The following PIKFYVE variants were observed in gnomAD, a reference collection of about 807,000 sequenced individuals.
PIKFYVE encodes phosphoinositide kinase, FYVE-type zinc finger containing.
PIKFYVE carries 122 observed loss-of-function variants against 257.9 expected under a neutral mutation model. The ratio of observed to expected loss-of-function variants is 0.47; its 90% CI spans 0.41 to 0.55. The LOEUF (loss-of-function observed/expected upper bound fraction) is 0.55. Ranked by LOEUF, PIKFYVE falls within the 20% of genes least tolerant of loss-of-function variation. The pLI is 0.00. For synonymous variants in PIKFYVE, 892 were observed against 868.9 expected, an observed-to-expected ratio of 1.03 and a Z score of -0.47; for missense variants, 2,160 against 2,536.6, an observed-to-expected ratio of 0.85 and a Z score of 3.19.
In PIKFYVE at chr2:208,350,072, A is replaced by G; in HGVS notation, c.5423A>G (p.His1808Arg). The change falls in exon 36 of 42, where the codon CAT becomes CGT. Residue 1808 changes from histidine (H) to arginine (R), a missense_variant. Transcript: ENST00000264380. ...CAAAAGAAGCAACTCATAAATCCTCATGTGGAACTTCGTAAGTATGAGATA... is the reference window on the plus strand; with the variant it reads ...CAAAAGAAGCAACTCATAAATCCTCGTGTGGAACTTCGTAAGTATGAGATA... ...DTQKKQLINPHVELQFSDANA... is the reference protein window; with the variant it reads ...DTQKKQLINPRVELQFSDANA... The G allele has an allele frequency of 6.2e-7, 1 of 1,612,198 alleles. No individual in the cohort carries two copies. The highest frequency in any genetic ancestry group is 8.5e-7 in the Non-Finnish European group (1 of 1,178,818).
At chr2:208,311,230 T>C (rs1694902981) in intron 12 of PIKFYVE, among the ~76,000 whole-genome samples, 1 of 152,174 alleles carries the variant, frequency 6.6e-6, no homozygotes, top group African/African-American at 2.4e-5. Flanking sequence ...ATTGAACTAA[T>C]AGGATTTGGT....
chr2:208,329,929 T>C lies in PIKFYVE; in HGVS notation c.3791+16T>C, dbSNP rs1331721486. 2 of 1,608,446 alleles carry C rather than the reference T, an allele frequency of 1.2e-6. No individual in the cohort carries two copies. Among genetic ancestry groups the C allele is most frequent in the Admixed American group, 3.3e-5 (2 of 59,764 alleles). On this transcript the variant is annotated intron_variant, in intron 22 of 41. Transcript: ENST00000264380. ...ACTGTTTCAGGTAAGAACATATTTC[T>C]TCCTTCTGTTCCATTACACATTTTT...
chr2:208,275,049 T>A (rs1317244431), intron 3 of PIKFYVE, among the ~76,000 whole-genome samples: 1 of 152,232 alleles, frequency 6.6e-6, no homozygotes, highest in Non-Finnish European at 1.5e-5. Context: ...TCTGCTTGAT[T>A]ATTTGATTCT....
At chr2:208,282,824 G>T (rs372394938) in intron 5 of PIKFYVE, among the ~76,000 whole-genome samples, 1 of 152,256 alleles carries the variant, frequency 6.6e-6, no homozygotes, top group East Asian at 1.9e-4. Flanking sequence ...TTTTTCCATG[G>T]ACTGGTGTGG....
At chr2:208,316,118 A>T (rs750330050) in intron 15 of PIKFYVE, among the ~76,000 whole-genome samples, 178 of 142,924 alleles carry the variant, frequency 1.2e-3, no homozygotes, top group Non-Finnish European at 1.7e-3. Context: ...GAGTGAGAAC[A>T]TGTGGTGTTT....
At chr2:208,331,190 T>C (rs962601002) in intron 23 of PIKFYVE, among the ~76,000 whole-genome samples, 1 of 152,160 alleles carries the variant, frequency 6.6e-6, no homozygotes, top group African/African-American at 2.4e-5. Flanking sequence ...TTGATCTCTA[T>C]TGGTTTTTAT....
intron 6 of PIKFYVE, among the ~76,000 whole-genome samples, chr2:208,286,931 C>T (rs549313003): frequency 6.6e-6 from 1 of 152,246 alleles, no homozygotes; most frequent in African/African-American, 2.4e-5. Context: ...GTTAATTTCT[C>T]AGTTAACCCT....
rs1218884504 is a variant in PIKFYVE at position 208,358,201 on chromosome 2, C to G, written c.*2896C>G. ...GGCATTGTGGTCATCAGCTTCATGA[C>G]ATTTTACCCATTTGCAGTGATCCTG... is the stretch of plus-strand genomic sequence containing the variant. On this transcript the variant is annotated 3_prime_UTR_variant, in exon 42 of 42. Coordinates refer to ENST00000264380, the MANE Select transcript of PIKFYVE (RefSeq NM_015040.4). 6.6e-6 allele frequency: 1 copy of G among 152,610 alleles called. No individual in the cohort carries two copies. The highest frequency in any genetic ancestry group is 2.4e-5 in the African/African-American group (1 of 41,444). The allele number at this position is 152,610 out of a possible 1,614,324, so 9.5% of individuals were successfully genotyped here.
chr2:208,304,922 C>G lies in PIKFYVE; in HGVS notation c.1545C>G (p.Ile515Met), dbSNP rs1694141827. ...TGGACAGTGACTCAGCCGCTTCTAT[C>G]AGCCTGAACGTGGAGCTGGACAACG... The part of the protein sequence containing the change: ...STVDSDSAAS[I>M]SLNVELDNVN... Residue 515 changes from isoleucine to methionine, a missense_variant, in exon 12 of 42, where the codon ATC becomes ATG. Around this residue, in one of 12 missense-constraint regions of PIKFYVE, gnomAD observed 346 missense variants for 365.6 expected, o/e 0.95. Transcript: ENST00000264380. 6.2e-7 allele frequency: 1 copy of G among 1,614,032 alleles called. No homozygotes were observed. Among genetic ancestry groups the G allele is most frequent in the South Asian group, 1.1e-5 (1 of 91,086 alleles).
chr2:208,354,473 A>G lies in PIKFYVE; in HGVS notation c.6107-98A>G, dbSNP rs999248021. On this transcript the variant is annotated intron_variant, in intron 40 of 41. Coordinates refer to ENST00000264380, the MANE Select transcript of PIKFYVE (RefSeq NM_015040.4). ...ACATTGTTAGCACTCAATAAAAGTT[A>G]ACTGTCATAGAAGTAGTAGTAATAG... 2.0e-5 allele frequency: 23 copies of G among 1,142,066 alleles called. No homozygotes were observed. In the East Asian group the frequency reaches 2.9e-4, roughly 14 times the overall value. 70.7% of individuals were successfully genotyped at this position (1,142,066 alleles called of 1,614,324 possible).
At chr2:208,277,784 A>G (rs1690299456) in intron 5 of PIKFYVE, 76 bp downstream of exon 5, 1 of 1,512,092 alleles carries the variant, frequency 6.6e-7, no homozygotes, top group Non-Finnish European at 9.1e-7. Context: ...GGATAGTGTT[A>G]AGCCAATTTT....
At chr2:208,324,375 T>G in intron 18 of PIKFYVE, 93 bp downstream of exon 18, 1 of 1,348,108 alleles carries the variant, frequency 7.4e-7, no homozygotes, top group South Asian at 1.2e-5. Flanking sequence ...TCTTTTTTTC[T>G]TTGCTGTTCT....
intron 29 of PIKFYVE, 83 bp downstream of exon 29, chr2:208,338,651 A>C (rs1001640853): frequency 4.8e-5 from 65 of 1,346,430 alleles, no homozygotes; most frequent in Non-Finnish European, 6.0e-5. Context: ...CTGTTTGAGC[A>C]GTTTTTCCGA....
At chr2:208,282,191 G>A (rs1221929907) in intron 5 of PIKFYVE, among the ~76,000 whole-genome samples, 1 of 152,152 alleles carries the variant, frequency 6.6e-6, no homozygotes, top group Non-Finnish European at 1.5e-5. Context: ...GCATGTCTTT[G>A]TTGCCACATT....
chr2:208,293,645 A>G (rs1692599019), intron 7 of PIKFYVE, among the ~76,000 whole-genome samples: 1 of 146,932 alleles, frequency 6.8e-6, no homozygotes, highest in Non-Finnish European at 1.5e-5. Flanking sequence ...AGTCAGATGT[A>G]TTTATTATCT....
chr2:208,325,197 G>A (rs1255148314), intron 19 of PIKFYVE, 73 bp from the exon 20 acceptor site: 7 of 1,560,744 alleles, frequency 4.5e-6, no homozygotes, highest in Non-Finnish European at 6.2e-6. Context: ...TATTAAGAGA[G>A]TGAATTAATT....
In PIKFYVE at chr2:208,325,755, C is replaced by G; in HGVS notation, c.2944C>G (p.Leu982Val). ...ACCTGTACCGGAATCATTGTTGCCA[C>G]TCCCTGTGGATGACCAACAAGATGC... is the stretch of plus-strand genomic sequence containing the variant. Reference protein sequence around the residue: ...FAPVPESLLPLPVDDQQDALG... With the variant: ...FAPVPESLLPVPVDDQQDALG... Residue 982 changes from leucine (L) to valine (V), a missense_variant, in exon 20 of 42, where the codon CTC (leucine) becomes GTC (valine). By Grantham distance (32) the Leu-to-Val change is conservative (BLOSUM62 1). Coordinates refer to ENST00000264380, the MANE Select transcript of PIKFYVE (RefSeq NM_015040.4). The G allele has an allele frequency of 6.2e-7, 1 of 1,613,596 alleles. No homozygotes were observed. The highest frequency in any genetic ancestry group is 2.2e-5 in the East Asian group (1 of 44,864).
chr2:208,352,887 A>G (rs1574774457), intron 39 of PIKFYVE, 105 bp downstream of exon 39: 1 of 1,423,596 alleles, frequency 7.0e-7, no homozygotes, highest in East Asian at 2.4e-5. Context: ...TATAGTAAAT[A>G]TTTAACTTTG....
At chr2:208,321,533 G>T (rs533551964) in intron 17 of PIKFYVE, among the ~76,000 whole-genome samples, 77 of 151,232 alleles carry the variant, frequency 5.1e-4, no homozygotes, top group African/African-American at 1.8e-3. Flanking sequence ...GAACTCTAAA[G>T]AAATAAAGGG....
Sources: gnomAD v4.1 joint callset for allele counts (sites outside exome capture counted in the v4.1 genomes callset) on GRCh38, gnomAD v4.1.1 for gene constraint, gnomAD v4.1.1 regional missense constraint, MANE v1.5 for transcripts, NCBI Gene and HGNC (gene_info 2026-07-23, HGNC 2026-07-21) for gene names.